The following RGS3 variants were observed in gnomAD, a reference collection of about 807,000 sequenced individuals.
The protein encoded by RGS3 is regulator of G protein signaling 3.
In RGS3, 80 loss-of-function variants were observed where a neutral mutation model predicts 132.6. That is an observed-to-expected ratio of 0.60 (90% CI 0.50 to 0.73). The LOEUF (loss-of-function observed/expected upper bound fraction) is 0.73, where lower values mean the gene tolerates loss of function less well. RGS3 is among the 30% of genes least tolerant of loss of function. The probability of loss-of-function intolerance (pLI) is 0.00; values close to 1 mark genes in which losing one functional copy is unlikely to be tolerated. For missense variants in RGS3, 1,382 were observed against 1,530.8 expected, an observed-to-expected ratio of 0.90 and a Z score of 1.62; for synonymous variants, 598 against 620.6, an observed-to-expected ratio of 0.96 and a Z score of 0.54.
At chr9:113,546,039 C>T (rs1053827591) in intron 19 of RGS3, among the ~76,000 whole-genome samples, 3 of 152,228 alleles carry the variant, frequency 2.0e-5, no homozygotes, top group Non-Finnish European at 4.4e-5. Flanking sequence ...CTGTCACACT[C>T]CTGCTTAAAG....
rs1482237864 is a variant in RGS3 at position 113,497,684 on chromosome 9, C to T, written c.841+280C>T. ...CCTTGTGGGGTACTTTATGCTTCCC[C>T]AGTGGCCCCTTCCCAGCTCCATGTC... On this transcript the variant is annotated intron_variant, in intron 9 of 24. Coordinates refer to ENST00000350696, the Ensembl canonical transcript of RGS3. Among the ~76,000 whole-genome samples, 5 of 152,286 alleles carry T rather than the reference C, an allele frequency of 3.3e-5. No individual in the cohort carries two copies. In the East Asian group the frequency reaches 7.7e-4, roughly 23 times the overall value.
chr9:113,575,675 C>T (rs571464844), intron 19 of RGS3, among the ~76,000 whole-genome samples: 16 of 152,298 alleles, frequency 1.1e-4, no homozygotes, highest in African/African-American at 3.6e-4. Context: ...CTGGGCCTCA[C>T]GTAACAGACA....
At chr9:113,562,721 A>G (rs191840978) in intron 19 of RGS3, among the ~76,000 whole-genome samples, 1 of 152,202 alleles carries the variant, frequency 6.6e-6, no homozygotes, top group East Asian at 1.9e-4. Flanking sequence ...TCCTGTACTG[A>G]ACAGCACCAT....
At chr9:113,489,694 A>ATTT (rs796193756) in intron 7 of RGS3, among the ~76,000 whole-genome samples, 2 of 142,120 alleles carry the variant, frequency 1.4e-5, no homozygotes, top group African/African-American at 2.6e-5. Flanking sequence ...CAGCTACTTA[A>ATTT]TTTTTTTTTT....
At chr9:113,563,222 A>G (rs1273488580) in intron 19 of RGS3, among the ~76,000 whole-genome samples, 1 of 152,190 alleles carries the variant, frequency 6.6e-6, no homozygotes, top group Non-Finnish European at 1.5e-5. Context: ...CATAGGGCGT[A>G]ATTTTGGAGT....
chr9:113,509,064 T>A (rs905244179), intron 14 of RGS3, among the ~76,000 whole-genome samples: 2 of 151,976 alleles, frequency 1.3e-5, no homozygotes, highest in African/African-American at 2.4e-5. Context: ...GGTGGGTGGA[T>A]CACGAGGTCA....
At chr9:113,478,472 A>C (rs540860276) in intron 3 of RGS3, among the ~76,000 whole-genome samples, 1 of 152,094 alleles carries the variant, frequency 6.6e-6, no homozygotes. Flanking sequence ...CCCCCGCCAG[A>C]TACATACCCT....
intron 14 of RGS3, among the ~76,000 whole-genome samples, chr9:113,509,888 C>CT (rs1831323555): frequency 6.6e-6 from 1 of 152,196 alleles, no homozygotes. Flanking sequence ...GGAAATAAAT[C>CT]TGTGTTCCTT....
intron 24 of RGS3, among the ~76,000 whole-genome samples, chr9:113,596,004 A>G (rs1257556109): frequency 6.6e-6 from 1 of 152,242 alleles, no homozygotes; most frequent in Non-Finnish European, 1.5e-5. Flanking sequence ...CCCTTTATGT[A>G]TGCGTTCTCA....
chr9:113,544,578 AT>A lies in RGS3; in HGVS notation c.2037+7664del, dbSNP rs372880948. On this transcript the variant is annotated intron_variant, in intron 19 of 24. Transcript: ENST00000350696. ...TTTTTGCAAAGTGAAAATGCAGGCA[AT>A]TTTGCAACGTGGAAGGGCTCCCCAC... Among the ~76,000 whole-genome samples the A allele has an allele frequency of 8.5e-5, 13 of 152,308 alleles. No individual in the cohort carries two copies. The East Asian group carries it at 2.3e-3, about 27-fold the overall frequency.
Position 113,480,469 on chromosome 9 carries a change from A to G in RGS3, c.466+928A>G, listed in dbSNP as rs568703578. On this transcript the variant is annotated intron_variant, in intron 4 of 24. Coordinates refer to ENST00000350696, the Ensembl canonical transcript of RGS3. ...ACGAGACTCCGTCTCAAAAAAAAAA[A>G]AAAAAAAAAGAAAACCATACATTCC... Among the ~76,000 whole-genome samples, 3 of 151,996 alleles carry G rather than the reference A, an allele frequency of 2.0e-5. No homozygotes were observed. The East Asian group carries it at 5.8e-4, about 29-fold the overall frequency.
chr9:113,476,326 A>G (rs1406021831), intron 3 of RGS3, among the ~76,000 whole-genome samples: 2 of 152,064 alleles, frequency 1.3e-5, no homozygotes, highest in Non-Finnish European at 1.5e-5. Flanking sequence ...AGAGCAAATC[A>G]CCTTCCATCT....
At chr9:113,499,756 G>T (rs1022590393) in intron 10 of RGS3, among the ~76,000 whole-genome samples, 1 of 152,180 alleles carries the variant, frequency 6.6e-6, no homozygotes, top group Non-Finnish European at 1.5e-5. Context: ...TGGCTATTGA[G>T]CACTTAGTGG....
intron 19 of RGS3, among the ~76,000 whole-genome samples, chr9:113,549,177 G>T (rs979859508): frequency 1.3e-5 from 2 of 152,182 alleles, no homozygotes; most frequent in Non-Finnish European, 2.9e-5. Context: ...AGACAGACAG[G>T]CCAGGGTTCA....
chr9:113,503,799 G>C (rs1285800576), intron 10 of RGS3, among the ~76,000 whole-genome samples: 3 of 152,216 alleles, frequency 2.0e-5, no homozygotes, highest in Admixed American at 1.3e-4. Context: ...TGGTTCCATG[G>C]AGGGGGCCAG....
chr9:113,572,226 G>A (rs114289009), intron 19 of RGS3, among the ~76,000 whole-genome samples: 3 of 152,124 alleles, frequency 2.0e-5, no homozygotes, highest in Admixed American at 1.3e-4. Flanking sequence ...AGGGATGAAG[G>A]CATTTTGAGC....
chr9:113,525,939 T>C (rs1209472519), intron 17 of RGS3, among the ~76,000 whole-genome samples: 1 of 152,194 alleles, frequency 6.6e-6, no homozygotes, highest in Admixed American at 6.5e-5. Flanking sequence ...ACTTAAATCT[T>C]GTCTGGCCCC....
exon 20 of RGS3, chr9:113,584,420 A>G: frequency 6.6e-7 from 1 of 1,510,280 alleles, no homozygotes; most frequent in Non-Finnish European, 8.8e-7. Flanking sequence ...TTCACAGGAC[A>G]CAGGAAGGTG....
chr9:113,507,670 GTACT>G lies in RGS3; in HGVS notation c.1437+33_1437+36del. 1 of 1,424,342 alleles carries G rather than the reference GTACT, an allele frequency of 7.0e-7. No homozygotes were observed. The highest frequency in any genetic ancestry group is 9.3e-7 in the Non-Finnish European group (1 of 1,080,976). 88.2% of individuals were successfully genotyped at this position (1,424,342 alleles called of 1,614,324 possible). A position where few individuals can be genotyped will look rare whatever the true frequency, so the allele number is the denominator to read the frequency against. ...ACAGCTGGTGTGGGGAAGGTGAAGGGTACTGGGTCCCTGTGGGAGGCCAGGAAGA... is the reference window on the plus strand; with the variant it reads ...ACAGCTGGTGTGGGGAAGGTGAAGGGGGGTCCCTGTGGGAGGCCAGGAAGA... On this transcript the variant is annotated intron_variant, in intron 13 of 24. Coordinates refer to ENST00000350696, the Ensembl canonical transcript of RGS3. The surrounding 1 kb of genome is among the most constrained non-coding windows in gnomAD (Gnocchi z 5.0).
Sources: gnomAD v4.1 joint callset for allele counts (sites outside exome capture counted in the v4.1 genomes callset) on GRCh38, gnomAD v4.1.1 for gene constraint, Gnocchi (gnomAD v3.1) non-coding constraint, MANE v1.5 for transcripts, NCBI Gene and HGNC (gene_info 2026-07-23, HGNC 2026-07-21) for gene names.